The following SGCZ variants were observed in gnomAD, a reference collection of about 807,000 sequenced individuals.
SGCZ encodes sarcoglycan zeta.
Under a neutral mutation model 41.3 loss-of-function variants are expected in SGCZ, and 40 were observed. The observed-to-expected ratio is 0.97, with a 90% CI of 0.75 to 1.26. The LOEUF (loss-of-function observed/expected upper bound fraction) is 1.26, where lower values mean the gene tolerates loss of function less well. Among genes scored for constraint, SGCZ ranks in the 50% most tolerant of loss-of-function variants. The pLI, the probability that SGCZ is intolerant of heterozygous loss-of-function variation, is 0.00. For synonymous variants in SGCZ, 206 were observed against 137.5 expected, an observed-to-expected ratio of 1.50 and a Z score of -3.49; for missense variants, 552 against 369.8, an observed-to-expected ratio of 1.49 and a Z score of -4.04.
chr8:14,259,898 G>C (rs893857690), intron 3 of SGCZ, among the ~76,000 whole-genome samples: 2 of 151,870 alleles, frequency 1.3e-5, no homozygotes, highest in African/African-American at 4.8e-5. Context: ...AAATTACCTT[G>C]GGCAGTATGG....
At chr8:14,836,322 T>C (rs1802700586) in intron 1 of SGCZ, among the ~76,000 whole-genome samples, 1 of 152,206 alleles carries the variant, frequency 6.6e-6, no homozygotes, top group Non-Finnish European at 1.5e-5. Context: ...GGAAATAATG[T>C]TTCTATCATA....
chr8:14,456,244 A>G (rs992027761), intron 2 of SGCZ, among the ~76,000 whole-genome samples: 21 of 152,082 alleles, frequency 1.4e-4, no homozygotes, highest in Admixed American at 3.9e-4. Context: ...CCCTGTCTCT[A>G]CTAAATATAC....
At chr8:14,218,176 C>G (rs1806066718) in intron 4 of SGCZ, among the ~76,000 whole-genome samples, 1 of 152,160 alleles carries the variant, frequency 6.6e-6, no homozygotes, top group African/African-American at 2.4e-5. Context: ...AAAATTACTT[C>G]TTTCAGATGA....
intron 5 of SGCZ, among the ~76,000 whole-genome samples, chr8:14,144,882 G>A (rs1332315259): frequency 6.6e-6 from 1 of 152,166 alleles, no homozygotes; most frequent in Non-Finnish European, 1.5e-5. Flanking sequence ...GCTACTGGGT[G>A]AGGCTCGTTT....
At chr8:15,206,853 G>A (rs1268081349) in intron 1 of SGCZ, among the ~76,000 whole-genome samples, 1 of 152,080 alleles carries the variant, frequency 6.6e-6, no homozygotes, top group Non-Finnish European at 1.5e-5. Context: ...TTAGAAAGGT[G>A]AATTTGACCT....
chr8:14,547,459 T>C (rs548262857), intron 2 of SGCZ, among the ~76,000 whole-genome samples: 38 of 152,286 alleles, frequency 2.5e-4, no homozygotes, highest in Non-Finnish European at 4.4e-4. Context: ...TAGAATTTCA[T>C]AAAGAATCTT....
At chr8:14,988,568 T>C (rs969735811) in intron 1 of SGCZ, among the ~76,000 whole-genome samples, 1 of 152,082 alleles carries the variant, frequency 6.6e-6, no homozygotes, top group African/African-American at 2.4e-5. Context: ...TTTCAAATCG[T>C]CTTTTCATTT....
At chr8:14,826,217 AATG>A (rs1802308279) in intron 1 of SGCZ, among the ~76,000 whole-genome samples, 1 of 151,736 alleles carries the variant, frequency 6.6e-6, no homozygotes, top group African/African-American at 2.4e-5. Flanking sequence ...GTTTGCTGAG[AATG>A]ATGGTTTCCA....
intron 2 of SGCZ, among the ~76,000 whole-genome samples, chr8:14,512,362 C>T (rs1364372290): frequency 6.6e-6 from 1 of 152,256 alleles, no homozygotes; most frequent in Middle Eastern, 3.4e-3. Flanking sequence ...TCTTCCTTGC[C>T]TATCAGTATG....
At chr8:14,546,059 G>C (rs1270755946) in intron 2 of SGCZ, among the ~76,000 whole-genome samples, 2 of 152,152 alleles carry the variant, frequency 1.3e-5, no homozygotes, top group African/African-American at 4.8e-5. Flanking sequence ...ATCTGAGAGG[G>C]ACAATTTGTC....
In SGCZ at chr8:15,095,407, A is replaced by G. The variant is rs115196668; in HGVS notation, c.39+142178T>C. On this transcript the variant is annotated intron_variant, in intron 1 of 7. Coordinates refer to ENST00000382080, the MANE Select transcript of SGCZ (RefSeq NM_139167.4). ...AGCCACTGCGCCCAGCCAAGAAAAC[A>G]TTTTAACTGGATAACATTTCATCTA... is the stretch of plus-strand genomic sequence containing the variant. 1.0e-2 allele frequency among the ~76,000 whole-genome samples: 1,517 copies of G among 152,264 alleles called. 21 individuals carry two copies. Among genetic ancestry groups the G allele is most frequent in the African/African-American group, 0.035 (1,471 of 41,548 alleles).
intron 1 of SGCZ, among the ~76,000 whole-genome samples, chr8:14,902,393 C>T (rs1798997280): frequency 6.6e-6 from 1 of 152,132 alleles, no homozygotes; most frequent in Non-Finnish European, 1.5e-5. Context: ...TGATCTCTTG[C>T]ATTATCCAAT....
chr8:14,868,727 T>C (rs552702732), intron 1 of SGCZ, among the ~76,000 whole-genome samples: 15 of 152,132 alleles, frequency 9.9e-5, no homozygotes, highest in Admixed American at 4.6e-4. Flanking sequence ...TATCTTCTTA[T>C]AATAAGCCTC....
chr8:14,589,712 A>T (rs938683115), intron 1 of SGCZ, among the ~76,000 whole-genome samples: 1 of 152,214 alleles, frequency 6.6e-6, no homozygotes, highest in Non-Finnish European at 1.5e-5. Flanking sequence ...CAACCCTGTA[A>T]ATATTCTTAA....
At chr8:14,841,886 G>A (rs1361483809) in intron 1 of SGCZ, among the ~76,000 whole-genome samples, 1 of 152,034 alleles carries the variant, frequency 6.6e-6, no homozygotes, top group African/African-American at 2.4e-5. Flanking sequence ...GAGAACTGAG[G>A]CCACCTGACC....
At chr8:14,264,423 G>T (rs919731790) in intron 3 of SGCZ, among the ~76,000 whole-genome samples, 1 of 152,132 alleles carries the variant, frequency 6.6e-6, no homozygotes, top group African/African-American at 2.4e-5. Flanking sequence ...CTCAGCCTCA[G>T]ACAGAAATCC....
chr8:14,253,340 C>T (rs1799352835), intron 3 of SGCZ, among the ~76,000 whole-genome samples: 1 of 151,560 alleles, frequency 6.6e-6, no homozygotes, highest in Admixed American at 6.6e-5. Context: ...TACGTGAAAT[C>T]ATAAGCAACT....
chr8:14,394,143 C>CTTT (rs75054512), intron 2 of SGCZ, among the ~76,000 whole-genome samples: 185 of 117,404 alleles, frequency 1.6e-3, no homozygotes, highest in East Asian at 8.6e-3. Flanking sequence ...CGCCCCCCAC[C>CTTT]TTTTTTTTTT....
chr8:14,253,908 G>T (rs1177621935), intron 3 of SGCZ, among the ~76,000 whole-genome samples: 2 of 145,868 alleles, frequency 1.4e-5, no homozygotes, highest in Non-Finnish European at 3.0e-5. Flanking sequence ...TTTTTTACAT[G>T]TAAAAAATTA....
Sources: allele counts gnomAD v4.1 joint callset (sites outside exome capture counted in the v4.1 genomes callset), GRCh38; gene constraint gnomAD v4.1.1; transcripts MANE v1.5; gene names NCBI Gene and HGNC (gene_info 2026-07-23, HGNC 2026-07-21).